UBXN4: variants seen among roughly 807,000 people sequenced by gnomAD.
The protein encoded by UBXN4 is UBX domain protein 4, also known as UBX domain-containing protein 4.
Under a neutral mutation model 66.2 loss-of-function variants are expected in UBXN4, and 35 were observed. The observed-to-expected ratio is 0.53, with a 90% CI of 0.40 to 0.70. The LOEUF is 0.70. UBXN4 is among the 30% of genes least tolerant of loss of function. The probability of loss-of-function intolerance (pLI) is 0.00; values close to 1 mark genes in which losing one functional copy is unlikely to be tolerated. For synonymous variants in UBXN4, 203 were observed against 204.5 expected (o/e 0.99, Z 0.06); for missense variants, 533 against 599.8 (o/e 0.89, Z 1.16).
intron 2 of UBXN4, among the ~76,000 whole-genome samples, chr2:135,753,020 T>C (rs1318523176): frequency 3.1e-5 from 1 of 32,034 alleles, no homozygotes; most frequent in Non-Finnish European, 1.5e-4. Flanking sequence ...GCCCGGCCTT[T>C]TTTTTTTTTT....
intron 5 of UBXN4, 122 bp from the exon 6 acceptor site, chr2:135,761,696 A>G (rs1383229116): frequency 1.2e-6 from 1 of 803,688 alleles, no homozygotes; most frequent in African/African-American, 1.8e-5. Context: ...CTCCATTTTT[A>G]GGGAAAATAT....
At chr2:135,781,406 T>C (rs1575325634) in intron 12 of UBXN4, among the ~76,000 whole-genome samples, 1 of 152,360 alleles carries the variant, frequency 6.6e-6, no homozygotes, top group East Asian at 1.9e-4. Context: ...ATAATGTAAC[T>C]TACTGAAATG....
chr2:135,744,807 G>C (rs560472526), intron 1 of UBXN4, among the ~76,000 whole-genome samples: 1 of 152,282 alleles, frequency 6.6e-6, no homozygotes, highest in East Asian at 1.9e-4. Context: ...AATAAGAAAT[G>C]AAAGATACCA....
chr2:135,758,651 C>T (rs1294610578), intron 5 of UBXN4, among the ~76,000 whole-genome samples: 1 of 152,142 alleles, frequency 6.6e-6, no homozygotes, highest in African/African-American at 2.4e-5. Context: ...CACTCCTCTT[C>T]TTTTTCAACT....
chr2:135,771,430 G>C (rs2019170), intron 8 of UBXN4, among the ~76,000 whole-genome samples: 147,852 of 152,176 alleles, frequency 0.97, 71,945 homozygotes, highest in Non-Finnish European at 1. Flanking sequence ...AGGCTGACAT[G>C]GTGCCATTGC....
At position 135,749,644 on chromosome 2, in the gene UBXN4, T is replaced by C. The variant is rs899481494; in HGVS notation, c.185+1275T>C. Among the ~76,000 whole-genome samples the C allele has an allele frequency of 2.0e-5, 3 of 152,218 alleles. No individual in the cohort carries two copies. The East Asian group carries it at 5.8e-4, about 29-fold the overall frequency. On this transcript the variant is annotated intron_variant, in intron 2 of 12. Transcript: ENST00000272638. Reference sequence around the variant, plus strand: ...GTCTCTGAAGTATAAGTATTGTTAATTTTTTAAGCATAACTATAATATTAA... The same window carrying C: ...GTCTCTGAAGTATAAGTATTGTTAACTTTTTAAGCATAACTATAATATTAA...
chr2:135,754,514 G>C (rs1215971921), intron 4 of UBXN4, among the ~76,000 whole-genome samples: 1 of 152,024 alleles, frequency 6.6e-6, no homozygotes, highest in Non-Finnish European at 1.5e-5. Flanking sequence ...GTAGAGACAG[G>C]GTTTCACCAT....
chr2:135,784,555 A>G lies in UBXN4; in HGVS notation c.*1668A>G, dbSNP rs945558227. On this transcript the variant is annotated 3_prime_UTR_variant, in exon 13 of 13. Transcript: ENST00000272638. ...TTGGCACCCTTATATATGTTTTCCA[A>G]ACTTTCAGCAGTGATATTATTTCCA... 1.3e-5 allele frequency: 2 copies of G among 152,558 alleles called. No homozygotes were observed. The highest frequency in any genetic ancestry group is 4.1e-4 in the South Asian group (2 of 4,830). The allele number at this position is 152,558 out of a possible 1,614,324, so 9.5% of individuals were successfully genotyped here.
chr2:135,776,213 G>A (rs1559543731), intron 9 of UBXN4, 36 bp from the exon 10 acceptor site: 7 of 1,522,626 alleles, frequency 4.6e-6, no homozygotes, highest in Non-Finnish European at 6.4e-6. Flanking sequence ...AATATATAGA[G>A]GTGAAGATTG....
chr2:135,747,907 C>T, intron 1 of UBXN4: 1 of 318,714 alleles, frequency 3.1e-6, no homozygotes, highest in Non-Finnish European at 6.2e-6. Flanking sequence ...AGGCGTGAGC[C>T]ACCGAGCCCA....
At chr2:135,774,104 C>G (rs1162663721) in intron 9 of UBXN4, among the ~76,000 whole-genome samples, 1 of 152,166 alleles carries the variant, frequency 6.6e-6, no homozygotes, top group African/African-American at 2.4e-5. Context: ...ACTCATACTT[C>G]CTGATTTTCA....
At chr2:135,762,818 G>A (rs1474060912) in intron 6 of UBXN4, among the ~76,000 whole-genome samples, 1 of 152,080 alleles carries the variant, frequency 6.6e-6, no homozygotes, top group Non-Finnish European at 1.5e-5. Flanking sequence ...ATCCTGTTTT[G>A]CTTCTTTCTG....
At chr2:135,767,768 A>G (rs1326538696) in intron 6 of UBXN4, among the ~76,000 whole-genome samples, 2 of 152,228 alleles carry the variant, frequency 1.3e-5, no homozygotes, top group Non-Finnish European at 2.9e-5. Context: ...TCTTTTGGGC[A>G]TATATATGAA....
At chr2:135,746,239 TAAAC>T (rs1296757652) in intron 1 of UBXN4, among the ~76,000 whole-genome samples, 1 of 152,120 alleles carries the variant, frequency 6.6e-6, no homozygotes, top group East Asian at 1.9e-4. Context: ...TATATGCAAA[TAAAC>T]AGCATTAGAG....
At chr2:135,745,772 A>G (rs2077203463) in intron 1 of UBXN4, among the ~76,000 whole-genome samples, 1 of 152,036 alleles carries the variant, frequency 6.6e-6, no homozygotes, top group Non-Finnish European at 1.5e-5. Flanking sequence ...CTCACTTGCA[A>G]ATAGTAACTT....
At chr2:135,769,873 G>GTGGT in intron 7 of UBXN4, 50 bp downstream of exon 7, 1 of 1,455,448 alleles carries the variant, frequency 6.9e-7, no homozygotes, top group Non-Finnish European at 9.3e-7. Context: ...AACTGAGGTT[G>GTGGT]TGATTGATTA....
chr2:135,748,231 C>T, intron 1 of UBXN4, 36 bp from the exon 2 acceptor site: 3 of 1,486,666 alleles, frequency 2.0e-6, no homozygotes, highest in Non-Finnish European at 2.7e-6. Context: ...TCAGCAGATC[C>T]CAGCCTGGTA....
At chr2:135,742,592 G>C (rs2077182661) in intron 1 of UBXN4, 1 of 152,456 alleles carries the variant, frequency 6.6e-6, no homozygotes, top group African/African-American at 2.4e-5. Flanking sequence ...TGTTTAGATG[G>C]AGGTAGGAAC....
At chr2:135,762,371 A>G (rs886910377) in intron 6 of UBXN4, among the ~76,000 whole-genome samples, 5 of 152,214 alleles carry the variant, frequency 3.3e-5, no homozygotes, top group African/African-American at 1.2e-4. Flanking sequence ...AGTATTTTTA[A>G]TGATACAGTA....
Sources: gnomAD v4.1 joint callset for allele counts (sites outside exome capture counted in the v4.1 genomes callset) on GRCh38, gnomAD v4.1.1 for gene constraint, MANE v1.5 for transcripts, NCBI Gene and HGNC (gene_info 2026-07-23, HGNC 2026-07-21) for gene names.